The following CAP2 variants were observed in gnomAD, a reference collection of about 807,000 sequenced individuals.
The protein encoded by CAP2 is cyclase associated actin cytoskeleton regulatory protein 2, also known as adenylyl cyclase-associated protein 2.
CAP2 carries 24 observed loss-of-function variants against 57.7 expected under a neutral mutation model. The ratio of observed to expected loss-of-function variants is 0.42; its 90% CI spans 0.30 to 0.58. CAP2 has a LOEUF of 0.58. Ranked by LOEUF, CAP2 falls within the 20% of genes least tolerant of loss-of-function variation. The pLI, the probability that CAP2 is intolerant of heterozygous loss-of-function variation, is 0.22. For synonymous variants in CAP2, 194 were observed against 207.2 expected, an observed-to-expected ratio of 0.94 and a Z score of 0.55; for missense variants, 501 against 590.3, an observed-to-expected ratio of 0.85 and a Z score of 1.57.
chr6:17,417,301 G>T (rs1420462954), intron 1 of CAP2, among the ~76,000 whole-genome samples: 1 of 148,950 alleles, frequency 6.7e-6, no homozygotes, highest in Non-Finnish European at 1.5e-5. Context: ...TCTGAGACAG[G>T]GTCTCATTTT....
chr6:17,555,198 CA>C (rs1763269320), intron 12 of CAP2, among the ~76,000 whole-genome samples: 1 of 151,990 alleles, frequency 6.6e-6, no homozygotes, highest in South Asian at 2.1e-4. Context: ...TCAGAATCTG[CA>C]TTTTTTTTTT....
intron 3 of CAP2, among the ~76,000 whole-genome samples, chr6:17,449,210 G>A (rs907703683): frequency 3.1e-4 from 47 of 152,184 alleles, no homozygotes; most frequent in African/African-American, 9.2e-4. Context: ...ATTGCAGGGT[G>A]TGACCTAAAG....
chr6:17,447,898 C>T (rs1022699134), intron 3 of CAP2, among the ~76,000 whole-genome samples: 2 of 152,214 alleles, frequency 1.3e-5, no homozygotes, highest in Admixed American at 6.5e-5. Flanking sequence ...GAGTTGAATT[C>T]GATCCCAGGC....
intron 4 of CAP2, among the ~76,000 whole-genome samples, chr6:17,474,094 A>G (rs1395619828): frequency 6.6e-6 from 1 of 150,480 alleles, no homozygotes; most frequent in Non-Finnish European, 1.5e-5. Flanking sequence ...ACCATTTTCC[A>G]TTTTTTAGCC....
intron 7 of CAP2, among the ~76,000 whole-genome samples, chr6:17,529,651 A>AAAAATATAT (rs10656588): frequency 1.0e-4 from 14 of 134,530 alleles, no homozygotes; most frequent in African/African-American, 2.6e-4. Context: ...AAAAAAAAAA[A>AAAAATATAT]ATATATATAT....
chr6:17,446,781 GTT>G (rs1760269467), intron 3 of CAP2, among the ~76,000 whole-genome samples: 1 of 152,238 alleles, frequency 6.6e-6, no homozygotes, highest in Non-Finnish European at 1.5e-5. Flanking sequence ...CTGAAAGGCA[GTT>G]CATCTAGCAG....
chr6:17,503,944 C>T (rs754102302), intron 4 of CAP2, among the ~76,000 whole-genome samples: 7 of 152,184 alleles, frequency 4.6e-5, no homozygotes, highest in African/African-American at 1.2e-4. Context: ...GCTTCTGCAG[C>T]AAATGTTTTT....
chr6:17,506,076 T>A (rs1257312004), intron 4 of CAP2, among the ~76,000 whole-genome samples: 1 of 152,030 alleles, frequency 6.6e-6, no homozygotes, highest in Non-Finnish European at 1.5e-5. Flanking sequence ...TCACATTTTT[T>A]TTTGTAGAAG....
intron 3 of CAP2, among the ~76,000 whole-genome samples, chr6:17,452,339 A>C (rs2113580227): frequency 6.6e-6 from 1 of 152,296 alleles, no homozygotes; most frequent in South Asian, 2.1e-4. Context: ...CCTCAGAATA[A>C]GTTTTCGCAC....
chr6:17,413,319 A>G (rs1040684166), intron 1 of CAP2, among the ~76,000 whole-genome samples: 1 of 152,234 alleles, frequency 6.6e-6, no homozygotes, highest in African/African-American at 2.4e-5. Context: ...CAATAAAAAG[A>G]AAATGGTGCT....
intron 3 of CAP2, among the ~76,000 whole-genome samples, chr6:17,443,480 A>G (rs575308937): frequency 1.3e-5 from 2 of 152,080 alleles, no homozygotes; most frequent in African/African-American, 2.4e-5. Context: ...CTTCAGCAAT[A>G]CTTTTGTACA....
chr6:17,404,254 C>T (rs959171583), intron 1 of CAP2, among the ~76,000 whole-genome samples: 7 of 152,064 alleles, frequency 4.6e-5, no homozygotes, highest in African/African-American at 7.2e-5. Context: ...GGGTGGATCA[C>T]GAGGTCAGGC....
chr6:17,500,384 T>TATATATATATATATATATATATATAC (rs869066480), intron 4 of CAP2, among the ~76,000 whole-genome samples: 1 of 124,846 alleles, frequency 8.0e-6, no homozygotes, highest in Non-Finnish European at 1.7e-5. Flanking sequence ...TATATATATA[T>TATATATATATATATATATATATATAC]TTGGAGACGG....
intron 12 of CAP2, among the ~76,000 whole-genome samples, chr6:17,555,673 C>T (rs887334550): frequency 2.0e-5 from 3 of 152,008 alleles, no homozygotes; most frequent in African/African-American, 7.3e-5. Flanking sequence ...AAGCGATTCT[C>T]CTGCTTCAGC....
At chr6:17,505,209 A>G (rs376368473) in intron 4 of CAP2, among the ~76,000 whole-genome samples, 1 of 152,216 alleles carries the variant, frequency 6.6e-6, no homozygotes, top group African/African-American at 2.4e-5. Context: ...AAGGCCCCAT[A>G]GGCACCAAAG....
At chr6:17,551,747 T>G (rs977547607) in intron 12 of CAP2, 143 bp downstream of exon 12, 2 of 627,692 alleles carry the variant, frequency 3.2e-6, no homozygotes, top group Non-Finnish European at 5.5e-6. Flanking sequence ...GGGAGCTGTC[T>G]TCCACATCTC....
chr6:17,432,139 A>G (rs900905477), intron 3 of CAP2, among the ~76,000 whole-genome samples: 13 of 152,178 alleles, frequency 8.5e-5, no homozygotes, highest in African/African-American at 3.1e-4. Context: ...GAAACATATA[A>G]TAGCCTTATC....
intron 3 of CAP2, among the ~76,000 whole-genome samples, chr6:17,459,191 G>C (rs186161761): frequency 5.3e-5 from 8 of 152,330 alleles, no homozygotes; most frequent in African/African-American, 1.7e-4. Flanking sequence ...AATGGCATGT[G>C]TTCCAAGAAT....
intron 10 of CAP2, 38 bp from the exon 11 acceptor site, chr6:17,543,023 G>C: frequency 6.2e-7 from 1 of 1,612,344 alleles, no homozygotes; most frequent in Non-Finnish European, 8.5e-7. Flanking sequence ...TATGTATTTA[G>C]TGGAGTTGGT....
Sources: gnomAD v4.1 joint callset for allele counts (sites outside exome capture counted in the v4.1 genomes callset) on GRCh38, gnomAD v4.1.1 for gene constraint, MANE v1.5 for transcripts, NCBI Gene and HGNC (gene_info 2026-07-23, HGNC 2026-07-21) for gene names.